PTPRQ: variants seen among roughly 807,000 people sequenced by gnomAD.
PTPRQ encodes the protein protein tyrosine phosphatase receptor type Q, also known as phosphatidylinositol phosphatase PTPRQ.
In PTPRQ, 199 loss-of-function variants were observed where a neutral mutation model predicts 246.0. The observed-to-expected ratio is 0.81, with a 90% CI of 0.72 to 0.91. The LOEUF is 0.91. PTPRQ is among the 40% of genes least tolerant of loss of function. PTPRQ has a pLI of 0.00. For synonymous variants in PTPRQ, 869 were observed against 853.2 expected (o/e 1.02, Z -0.32); for missense variants, 2,624 against 2,528.4 (o/e 1.04, Z -0.81).
intron 6 of PTPRQ, among the ~76,000 whole-genome samples, chr12:80,461,493 C>T (rs1470739695): frequency 6.6e-6 from 1 of 151,666 alleles, no homozygotes; most frequent in Non-Finnish European, 1.5e-5. Context: ...GTAAGGTATT[C>T]ATATATTTAA....
At chr12:80,598,109 C>T (rs1422643508) in intron 26 of PTPRQ, among the ~76,000 whole-genome samples, 3 of 151,854 alleles carry the variant, frequency 2.0e-5, no homozygotes, top group Non-Finnish European at 2.9e-5. Flanking sequence ...ACAGTGAGGT[C>T]TAATACTATG....
At chr12:80,496,758 A>AT (rs1391237872) in intron 14 of PTPRQ, among the ~76,000 whole-genome samples, 1 of 152,038 alleles carries the variant, frequency 6.6e-6, no homozygotes, top group African/African-American at 2.4e-5. Context: ...AAATCTGTGA[A>AT]TTTTCAAATG....
At chr12:80,619,572 A>T (rs946422886) in intron 31 of PTPRQ, 30 bp downstream of exon 31, 99 of 1,484,210 alleles carry the variant, frequency 6.7e-5, no homozygotes, top group Non-Finnish European at 8.7e-5. Context: ...TATCTTGTTA[A>T]ATTGTGGAGT....
intron 6 of PTPRQ, among the ~76,000 whole-genome samples, chr12:80,467,660 T>G (rs1409482783): frequency 6.6e-6 from 1 of 151,926 alleles, no homozygotes; most frequent in Non-Finnish European, 1.5e-5. Context: ...ATATACACCA[T>G]GGAATACTAT....
chr12:80,445,634 G>A lies in PTPRQ; in HGVS notation c.307G>A (p.Val103Ile). ...GGAAGTTTGTCCGTGGATGCAAACA[G>A]TATATACACAAGTCAGATCAAAGCC... The part of the protein sequence containing the change: ...YKEVCPWMQT[V>I]YTQVRSKPDS... The change falls in exon 3 of 45, where the codon GTA becomes ATA. Residue 103 changes from valine (V) to isoleucine (I), a missense_variant. By Grantham distance (29) the Val-to-Ile change is conservative. Coordinates refer to ENST00000644991, the MANE Select transcript of PTPRQ (RefSeq NM_001145026.2). 2 of 1,550,178 alleles carry A rather than the reference G, an allele frequency of 1.3e-6. No homozygotes were observed. Among genetic ancestry groups the A allele is most frequent in the Admixed American group, 2.0e-5 (1 of 50,916 alleles).
rs777738298 is a variant in PTPRQ at position 80,445,679 on chromosome 12, C to T, written c.352C>T (p.Leu118Phe). ...AAAGCCAGACAGTCTGGAAGTTCTT[C>T]TTACTAATCTTAATCCTGGAACAAC... ...RSKPDSLEVL[L>F]TNLNPGTTYE... Residue 118 changes from leucine to phenylalanine, a missense_variant, in exon 3 of 45, where the codon CTT becomes TTT. By Grantham distance (22) the Leu-to-Phe change is conservative (BLOSUM62 0). Transcript: ENST00000644991. The T allele has an allele frequency of 1.3e-5, 20 of 1,548,602 alleles. No individual in the cohort carries two copies. Among genetic ancestry groups the T allele is most frequent in the East Asian group, 2.4e-5 (1 of 40,882 alleles).
At chr12:80,635,313 T>G (rs1360032654) in intron 35 of PTPRQ, among the ~76,000 whole-genome samples, 3 of 152,200 alleles carry the variant, frequency 2.0e-5, no homozygotes, top group African/African-American at 7.2e-5. Context: ...TCAGGATTAT[T>G]TTCCTGGGAC....
chr12:80,449,667 T>A (rs1305362313), intron 3 of PTPRQ, among the ~76,000 whole-genome samples: 1 of 152,018 alleles, frequency 6.6e-6, no homozygotes, highest in East Asian at 1.9e-4. Flanking sequence ...CTCAGGTTTG[T>A]CAAAGATCAG....
chr12:80,554,556 G>A (rs1479053105), intron 25 of PTPRQ, among the ~76,000 whole-genome samples: 1 of 152,028 alleles, frequency 6.6e-6, no homozygotes, highest in Non-Finnish European at 1.5e-5. Context: ...TTTAATTTAG[G>A]GAAAGTAAAA....
chr12:80,625,757 T>C (rs1413808779), intron 33 of PTPRQ, among the ~76,000 whole-genome samples: 1 of 152,194 alleles, frequency 6.6e-6, no homozygotes, highest in Non-Finnish European at 1.5e-5. Flanking sequence ...TGCATTATTT[T>C]AATCCTAAAT....
chr12:80,599,115 G>T (rs897869530), intron 26 of PTPRQ, among the ~76,000 whole-genome samples: 1 of 151,874 alleles, frequency 6.6e-6, no homozygotes, highest in African/African-American at 2.4e-5. Context: ...AACACACTCA[G>T]CATCAAGACA....
chr12:80,585,092 C>G (rs1897567656), intron 25 of PTPRQ, among the ~76,000 whole-genome samples: 1 of 151,706 alleles, frequency 6.6e-6, no homozygotes, highest in Non-Finnish European at 1.5e-5. Flanking sequence ...CTACAGAATC[C>G]AGACTCAAGC....
At chr12:80,652,085 C>T (rs762171253) in intron 37 of PTPRQ, among the ~76,000 whole-genome samples, 1 of 152,094 alleles carries the variant, frequency 6.6e-6, no homozygotes, top group East Asian at 1.9e-4. Context: ...ATTTTCAGCT[C>T]AACAAAATAA....
chr12:80,583,254 T>TCTGAGAG (rs199532714), intron 25 of PTPRQ, among the ~76,000 whole-genome samples: 3,227 of 152,330 alleles, frequency 0.021, 55 homozygotes, highest in Non-Finnish European at 0.031. Flanking sequence ...TTCAGTAGTC[T>TCTGAGAG]AGACTCTGAG....
rs79661246 is a variant in PTPRQ, at chr12:80,504,875, T to C, written c.2273-1149T>C. On this transcript the variant is annotated intron_variant, in intron 14 of 44. Transcript: ENST00000644991. ...AGGAGTGGCAACAGAGAAAGAAGGT[T>C]TCCTTTCTGTCCTCTCTGCATGGTA... Among the ~76,000 whole-genome samples the C allele has an allele frequency of 6.5e-4, 99 of 152,050 alleles. 2 individuals carry two copies. The East Asian group carries it at 0.018, about 28-fold the overall frequency.
At chr12:80,472,046 G>GAACA in intron 7 of PTPRQ, 59 bp from the exon 8 acceptor site, 1 of 1,540,556 alleles carries the variant, frequency 6.5e-7, no homozygotes, top group Non-Finnish European at 8.8e-7. Flanking sequence ...GTACTTAAAT[G>GAACA]TGAACATGAT....
chr12:80,650,407 T>G (rs1221585418), intron 37 of PTPRQ, among the ~76,000 whole-genome samples: 1 of 152,032 alleles, frequency 6.6e-6, no homozygotes. Context: ...TTAAGAGTTA[T>G]AAGCATCTTT....
intron 27 of PTPRQ, among the ~76,000 whole-genome samples, chr12:80,608,608 T>A (rs957167317): frequency 1.4e-5 from 2 of 144,616 alleles, no homozygotes; most frequent in Non-Finnish European, 1.5e-5. Context: ...AATAGTTAAA[T>A]TTATAAGATC....
intron 38 of PTPRQ, among the ~76,000 whole-genome samples, chr12:80,654,363 A>G (rs1900359098): frequency 1.3e-5 from 2 of 152,174 alleles, no homozygotes; most frequent in Admixed American, 1.3e-4. Flanking sequence ...TCTTTCTTTT[A>G]GAGAGTTAAC....
Sources: allele counts gnomAD v4.1 joint callset (sites outside exome capture counted in the v4.1 genomes callset), GRCh38; gene constraint gnomAD v4.1.1; transcripts MANE v1.5; gene names NCBI Gene and HGNC (gene_info 2026-07-23, HGNC 2026-07-21).